The following TMEM217B variants were observed in gnomAD, a reference collection of about 807,000 sequenced individuals.
The protein encoded by TMEM217B is transmembrane protein 217B.
the TMEM217B span, among the ~76,000 whole-genome samples, chr6:37,253,185 A>T: frequency 6.6e-6 from 1 of 152,200 alleles, no homozygotes; most frequent in Admixed American, 6.5e-5. Flanking sequence ...TGCCCTCTTT[A>T]ATGGTATAAC....
the TMEM217B span, among the ~76,000 whole-genome samples, chr6:37,228,761 G>T: frequency 1.3e-5 from 2 of 151,854 alleles, no homozygotes; most frequent in Non-Finnish European, 2.9e-5. Context: ...ACTTTGGGAG[G>T]CCGAGGCAGG....
chr6:37,250,157 TG>T, the TMEM217B span, among the ~76,000 whole-genome samples: 4 of 152,148 alleles, frequency 2.6e-5, no homozygotes, highest in Non-Finnish European at 5.9e-5. Flanking sequence ...GAAGAATAGA[TG>T]TATACAATAT....
the TMEM217B span, among the ~76,000 whole-genome samples, chr6:37,244,929 T>C: frequency 6.6e-6 from 1 of 152,180 alleles, no homozygotes; most frequent in South Asian, 2.1e-4. Flanking sequence ...TCAGCTGGGA[T>C]AACTTAGGGA....
chr6:37,231,901 T>C, the TMEM217B span, among the ~76,000 whole-genome samples: 3 of 151,718 alleles, frequency 2.0e-5, no homozygotes, highest in Non-Finnish European at 4.4e-5. Context: ...TCTTCCTGAC[T>C]GTGTGGCTAA....
chr6:37,218,562 G>A, the TMEM217B span: 101 of 1,613,944 alleles, frequency 6.3e-5, no homozygotes, highest in East Asian at 5.3e-4. Flanking sequence ...CCCTGGCTCC[G>A]GTTTTTGTAG....
the TMEM217B span, among the ~76,000 whole-genome samples, chr6:37,236,230 T>C: frequency 6.6e-6 from 1 of 152,038 alleles, no homozygotes. Context: ...CAAGTGATTC[T>C]CCCACCTCTG....
the TMEM217B span, among the ~76,000 whole-genome samples, chr6:37,252,659 T>G: frequency 5.0e-5 from 5 of 99,058 alleles, no homozygotes; most frequent in Admixed American, 1.1e-4. Context: ...TTTTTTTTTT[T>G]GACAGGGTCT....
chr6:37,227,393 T>C, the TMEM217B span, among the ~76,000 whole-genome samples: 24 of 152,348 alleles, frequency 1.6e-4, no homozygotes, highest in Admixed American at 1.3e-3. Flanking sequence ...TTCCCATCTA[T>C]GCGGCAAAAC....
chr6:37,218,628 G>C, the TMEM217B span: 6 of 1,614,152 alleles, frequency 3.7e-6, no homozygotes, highest in African/African-American at 2.7e-5. Flanking sequence ...ATGACTGTAC[G>C]AGACACCAAG....
At chr6:37,235,608 C>T in the TMEM217B span, among the ~76,000 whole-genome samples, 6 of 46,212 alleles carry the variant, frequency 1.3e-4, no homozygotes, top group East Asian at 9.7e-4. Flanking sequence ...CCTTGTGATC[C>T]GTCCACCTTG....
At chr6:37,257,927 G>C in the TMEM217B span, 16 of 1,614,004 alleles carry the variant, frequency 9.9e-6, no homozygotes, top group Non-Finnish European at 2.5e-6. Flanking sequence ...AATGGCCGCT[G>C]AGAACAGCAA....
the TMEM217B span, among the ~76,000 whole-genome samples, chr6:37,217,428 C>T: frequency 3.3e-5 from 5 of 152,186 alleles, no homozygotes; most frequent in Non-Finnish European, 7.4e-5. Context: ...TTACTTTCTT[C>T]CACTAAACTA....
At chr6:37,255,400 G>A in the TMEM217B span, among the ~76,000 whole-genome samples, 1 of 152,050 alleles carries the variant, frequency 6.6e-6, no homozygotes, top group Admixed American at 6.5e-5. Context: ...GGTGTCTCTG[G>A]GCAGGGTGCG....
the TMEM217B span, chr6:37,218,193 A>C: frequency 1.7e-6 from 2 of 1,172,504 alleles, no homozygotes; most frequent in Non-Finnish European, 2.1e-6. Flanking sequence ...TTTGGGGGAC[A>C]GAGTCTTACT....
At chr6:37,218,895 T>C in the TMEM217B span, 1 of 1,614,172 alleles carries the variant, frequency 6.2e-7, no homozygotes, top group South Asian at 1.1e-5. Context: ...TACTTTGGTG[T>C]GATCTCAGTG....
chr6:37,240,515 C>T, the TMEM217B span, among the ~76,000 whole-genome samples: 1 of 151,848 alleles, frequency 6.6e-6, no homozygotes, highest in African/African-American at 2.4e-5. Context: ...AGAGAGAGAC[C>T]AAAATGGAAG....
At chr6:37,229,346 T>TTTTG in the TMEM217B span, among the ~76,000 whole-genome samples, 76 of 128,252 alleles carry the variant, frequency 5.9e-4, 4 homozygotes, top group African/African-American at 2.3e-3. Flanking sequence ...TTTTTTTTTT[T>TTTTG]TTTTTTTTTT....
the TMEM217B span, among the ~76,000 whole-genome samples, chr6:37,213,366 G>T: frequency 1.3e-5 from 2 of 152,246 alleles, no homozygotes; most frequent in African/African-American, 4.8e-5. Context: ...CATCTGGGGA[G>T]TTTGCTTCTC....
chr6:37,222,138 G>C, the TMEM217B span, among the ~76,000 whole-genome samples: 3 of 152,234 alleles, frequency 2.0e-5, no homozygotes. Flanking sequence ...TCAGAAGGGA[G>C]GAAGTGCACG....
Sources: gnomAD v4.1 joint callset for allele counts (sites outside exome capture counted in the v4.1 genomes callset) on GRCh38, gnomAD v4.1.1 for gene constraint, MANE v1.5 for transcripts, NCBI Gene and HGNC (gene_info 2026-07-23, HGNC 2026-07-21) for gene names.